RAB3C: variants seen among roughly 807,000 people sequenced by gnomAD.
RAB3C encodes RAB3C, member RAS oncogene family.
A neutral mutation model predicts 26.4 loss-of-function variants in RAB3C; 17 were observed. The ratio of observed to expected loss-of-function variants is 0.64; its 90% CI spans 0.44 to 0.97. RAB3C has a LOEUF of 0.97. RAB3C is among the 50% of genes least tolerant of loss of function. The probability of loss-of-function intolerance (pLI) is 0.00; values close to 1 mark genes in which losing one functional copy is unlikely to be tolerated. For missense variants in RAB3C, 242 were observed against 281.9 expected, an observed-to-expected ratio of 0.86 and a Z score of 1.01; for synonymous variants, 91 against 95.9, an observed-to-expected ratio of 0.95 and a Z score of 0.30.
intron 3 of RAB3C, among the ~76,000 whole-genome samples, chr5:58,792,492 G>A (rs1415108010): frequency 3.3e-5 from 5 of 152,128 alleles, no homozygotes; most frequent in Admixed American, 3.3e-4. Context: ...ACAAAAGAGA[G>A]GAGAGCAACA....
chr5:58,615,149 G>A (rs1373648630), intron 1 of RAB3C, among the ~76,000 whole-genome samples: 1 of 152,122 alleles, frequency 6.6e-6, no homozygotes, highest in Non-Finnish European at 1.5e-5. Flanking sequence ...GGGACCTGAA[G>A]TTGATAGCAG....
At chr5:58,845,414 C>A (rs538136244) in intron 4 of RAB3C, among the ~76,000 whole-genome samples, 46 of 151,614 alleles carry the variant, frequency 3.0e-4, no homozygotes, top group African/African-American at 1.0e-3. Context: ...CCATTGAGAC[C>A]AGAGCAAAAA....
intron 3 of RAB3C, among the ~76,000 whole-genome samples, chr5:58,813,866 A>G (rs1305641250): frequency 9.5e-6 from 1 of 104,894 alleles, no homozygotes; most frequent in African/African-American, 4.5e-5. Flanking sequence ...AATCAGATGC[A>G]TGCCACCAAA....
chr5:58,729,208 C>T (rs543373936), intron 3 of RAB3C, among the ~76,000 whole-genome samples: 1 of 152,038 alleles, frequency 6.6e-6, no homozygotes, highest in African/African-American at 2.4e-5. Context: ...GAATACAGTA[C>T]AATACAATAC....
At chr5:58,689,615 G>T (rs977297169) in intron 2 of RAB3C, among the ~76,000 whole-genome samples, 1 of 152,110 alleles carries the variant, frequency 6.6e-6, no homozygotes, top group Admixed American at 6.6e-5. Context: ...ATGCCTGATG[G>T]TGAAGACAAT....
At chr5:58,639,030 A>G (rs1747352277) in intron 2 of RAB3C, among the ~76,000 whole-genome samples, 2 of 152,130 alleles carry the variant, frequency 1.3e-5, no homozygotes, top group Admixed American at 6.5e-5. Flanking sequence ...CTGGAAGTGC[A>G]GTGCCTTGAA....
At chr5:58,797,688 A>G (rs1349592240) in intron 3 of RAB3C, among the ~76,000 whole-genome samples, 2 of 152,022 alleles carry the variant, frequency 1.3e-5, no homozygotes, top group African/African-American at 2.4e-5. Flanking sequence ...TAACTGGAAA[A>G]CAAGCGCTGT....
chr5:58,770,588 A>T (rs1041611287), intron 3 of RAB3C, among the ~76,000 whole-genome samples: 1 of 152,112 alleles, frequency 6.6e-6, no homozygotes, highest in Non-Finnish European at 1.5e-5. Flanking sequence ...TAAAATATAA[A>T]CTTCCCTGAA....
chr5:58,667,173 T>TG (rs1295194924), intron 2 of RAB3C, among the ~76,000 whole-genome samples: 1 of 152,116 alleles, frequency 6.6e-6, no homozygotes, highest in East Asian at 1.9e-4. Context: ...ACACTAACAA[T>TG]GGGGGTAGGC....
At chr5:58,756,474 G>A (rs1166641207) in intron 3 of RAB3C, among the ~76,000 whole-genome samples, 1 of 149,102 alleles carries the variant, frequency 6.7e-6, no homozygotes, top group Non-Finnish European at 1.5e-5. Context: ...ATAGCTATAC[G>A]TGTGCCATGA....
chr5:58,763,609 A>G (rs912705336), intron 3 of RAB3C, among the ~76,000 whole-genome samples: 2 of 152,206 alleles, frequency 1.3e-5, no homozygotes, highest in African/African-American at 2.4e-5. Flanking sequence ...AAAAGGAAAC[A>G]GGATGACCAA....
chr5:58,770,645 T>C (rs1742012270), intron 3 of RAB3C, among the ~76,000 whole-genome samples: 1 of 152,172 alleles, frequency 6.6e-6, no homozygotes, highest in Non-Finnish European at 1.5e-5. Context: ...TGTTATACTT[T>C]GCCTTCTTTA....
chr5:58,757,754 A>G (rs931558519), intron 3 of RAB3C, among the ~76,000 whole-genome samples: 1 of 152,188 alleles, frequency 6.6e-6, no homozygotes, highest in Non-Finnish European at 1.5e-5. Flanking sequence ...CTAGTTTCTC[A>G]TCAAGATTTC....
chr5:58,851,017 T>G (rs1254090979), intron 4 of RAB3C, 147 bp from the exon 5 acceptor site: 1 of 623,492 alleles, frequency 1.6e-6, no homozygotes, highest in Non-Finnish European at 2.7e-6. Flanking sequence ...TGGTACCTCA[T>G]GCCCACCTCT....
intron 4 of RAB3C, chr5:58,848,676 T>A (rs995347650): frequency 6.6e-6 from 1 of 152,252 alleles, no homozygotes. Context: ...ATTGTTGTTA[T>A]CATAGCATTT....
At chr5:58,744,873 G>A (rs887236425) in intron 3 of RAB3C, among the ~76,000 whole-genome samples, 18 of 152,112 alleles carry the variant, frequency 1.2e-4, no homozygotes, top group East Asian at 9.7e-4. Flanking sequence ...TGTGAAAGAC[G>A]TCAAAATGAA....
chr5:58,621,858 G>A (rs562805608), intron 2 of RAB3C, among the ~76,000 whole-genome samples: 47 of 152,302 alleles, frequency 3.1e-4, no homozygotes, highest in African/African-American at 1.1e-3. Context: ...TTACAGGCAT[G>A]AGCCACCACG....
At chr5:58,632,241 T>C (rs1747197633) in intron 2 of RAB3C, among the ~76,000 whole-genome samples, 2 of 152,168 alleles carry the variant, frequency 1.3e-5, no homozygotes, top group Non-Finnish European at 2.9e-5. Context: ...AGAACCATTG[T>C]CTCCCAGAGG....
At chr5:58,825,720 G>C (rs1743461857) in intron 4 of RAB3C, among the ~76,000 whole-genome samples, 1 of 152,110 alleles carries the variant, frequency 6.6e-6, no homozygotes, top group Non-Finnish European at 1.5e-5. Context: ...TGAGATAATA[G>C]ATATGAGAAA....
Sources: allele counts gnomAD v4.1 joint callset (sites outside exome capture counted in the v4.1 genomes callset), GRCh38; gene constraint gnomAD v4.1.1; transcripts MANE v1.5; gene names NCBI Gene and HGNC (gene_info 2026-07-23, HGNC 2026-07-21).